The following CTSK variants were observed in gnomAD, a reference collection of about 807,000 sequenced individuals.
The protein encoded by CTSK is cathepsin O.
CTSK carries 26 observed loss-of-function variants against 40.5 expected under a neutral mutation model. The observed-to-expected ratio is 0.64, with a 90% CI of 0.47 to 0.89. The LOEUF (loss-of-function observed/expected upper bound fraction) is 0.89, where lower values mean the gene tolerates loss of function less well. Ranked by LOEUF, CTSK falls within the 40% of genes least tolerant of loss-of-function variation. The pLI, the probability that CTSK is intolerant of heterozygous loss-of-function variation, is 0.00. For missense variants in CTSK, 292 were observed against 400.1 expected, an observed-to-expected ratio of 0.73 and a Z score of 2.30; for synonymous variants, 132 against 143.2, an observed-to-expected ratio of 0.92 and a Z score of 0.56.
In CTSK at chr1:150,799,623, C is replaced by G. The variant is rs1189336230; in HGVS notation, c.705G>C (p.Leu235=). The G allele has an allele frequency of 6.2e-7, 1 of 1,614,066 alleles. No homozygotes were observed. Residue 235 remains leucine, a synonymous_variant, in exon 6 of 8, where the codon CTG becomes CTC. Coordinates refer to ENST00000271651, the MANE Select transcript of CTSK (RefSeq NM_000396.4). The part of the protein sequence containing the change: ...REIPEGNEKA[L]KRAVARVGPV... ...GTCCCACTCGGGCCACTGCCCTCTTCAGGGCTTTCTCATTCCCCTCGGGGA... is the reference window on the plus strand; with the variant it reads ...GTCCCACTCGGGCCACTGCCCTCTTGAGGGCTTTCTCATTCCCCTCGGGGA...
In CTSK at chr1:150,799,701, AC is replaced by A; in HGVS notation, c.626del (p.Ser209IlefsTer27). ...CCTTGCCTGTTGGGTTGTACATACA[AC>A]TCTCTTCCTGGAAGAAACAAGATTG... is the stretch of plus-strand genomic sequence containing the variant. ...DAYPYVGQEE[S>X]CMYNPTGKAA... On this transcript the variant is annotated frameshift_variant, in exon 6 of 8. Coordinates refer to ENST00000271651, the MANE Select transcript of CTSK (RefSeq NM_000396.4). LOFTEE classifies it high-confidence loss of function. 6.2e-7 allele frequency: 1 copy of A among 1,613,976 alleles called. No individual in the cohort carries two copies. The highest frequency in any genetic ancestry group is 1.1e-5 in the South Asian group (1 of 91,084).
At chr1:150,799,922 T>G (rs1039396924) in intron 5 of CTSK, among the ~76,000 whole-genome samples, 1 of 152,028 alleles carries the variant, frequency 6.6e-6, no homozygotes, top group Non-Finnish European at 1.5e-5. Flanking sequence ...ACAGGCCAGG[T>G]GCGGTGGCTC....
At chr1:150,806,041 G>A (rs1477238934) in intron 3 of CTSK, 25 bp from the exon 4 acceptor site, 4 of 1,614,198 alleles carry the variant, frequency 2.5e-6, no homozygotes, top group Non-Finnish European at 3.4e-6. Context: ...AAAGAGGCCA[G>A]GCATCAGCAG....
At chr1:150,805,227 T>G in intron 4 of CTSK, among the ~76,000 whole-genome samples, 2 of 125,752 alleles carry the variant, frequency 1.6e-5, no homozygotes, top group Admixed American at 8.0e-5. Flanking sequence ...AAAAAAAAAT[T>G]TGGGGGGGGG....
At position 150,799,200 on chromosome 1, in the gene CTSK, C is replaced by T. The variant is rs1358973920; in HGVS notation, c.858G>A (p.Gln286=). 1.2e-6 allele frequency: 2 copies of T among 1,612,726 alleles called. No individual in the cohort carries two copies. The highest frequency in any genetic ancestry group is 1.1e-5 in the South Asian group (1 of 91,052). The part of the protein sequence containing the change: ...HAVLAVGYGI[Q]KGNKHWIIKN... ...TAATTATCCAGTGCTTGTTTCCCTT[C>T]TGGATTCCATATCCCACTGCCAAAA... The change falls in exon 7 of 8, where the codon CAG becomes CAA. Residue 286 remains glutamine, a synonymous_variant. Transcript: ENST00000271651.
At chr1:150,798,914 T>C (rs1353466529) in intron 7 of CTSK, among the ~76,000 whole-genome samples, 1 of 152,180 alleles carries the variant, frequency 6.6e-6, no homozygotes, top group South Asian at 2.1e-4. Context: ...ACGCTTTGTA[T>C]AGCCAAACAA....
intron 5 of CTSK, chr1:150,800,649 T>G (rs1653972912): frequency 9.3e-6 from 2 of 215,660 alleles, no homozygotes; most frequent in Admixed American, 4.2e-5. Flanking sequence ...AGACTACCCC[T>G]TCAGAACCCT....
chr1:150,806,859 G>T (rs1372316768), intron 1 of CTSK, 53 bp from the exon 2 acceptor site: 1 of 1,605,250 alleles, frequency 6.2e-7, no homozygotes, highest in Non-Finnish European at 8.5e-7. Flanking sequence ...GGAAACAGAG[G>T]AAAACTAGGC....
chr1:150,806,613 G>A, intron 2 of CTSK, 73 bp downstream of exon 2: 1 of 1,593,710 alleles, frequency 6.3e-7, no homozygotes, highest in Non-Finnish European at 8.6e-7. Flanking sequence ...ATTGAAGAAG[G>A]GAGTCTGGAA....
rs750699844 is a variant in CTSK at position 150,799,589 on chromosome 1, CAG to C, written c.737_738del (p.Ser246CysfsTer4). 1.2e-6 allele frequency: 2 copies of C among 1,614,236 alleles called. No homozygotes were observed. Among genetic ancestry groups the C allele is most frequent in the Non-Finnish European group, 1.7e-6 (2 of 1,180,038 alleles). On this transcript the variant is annotated frameshift_variant, in exon 6 of 8. Transcript: ENST00000271651. LOFTEE classifies it high-confidence loss of function. ...GAGGTCAGGCTTGCATCAATGGCCACAGAGACAGGTCCCACTCGGGCCACTGC... is the reference window on the plus strand; with the variant it reads ...GAGGTCAGGCTTGCATCAATGGCCACAGACAGGTCCCACTCGGGCCACTGC... Reference protein sequence around the residue: ...KRAVARVGPVSVAIDASLTSF... With the variant: ...KRAVARVGPVXVAIDASLTSF...
Position 150,796,458 on chromosome 1 carries a change from T to C in CTSK, c.*341A>G, listed in dbSNP as rs1236454744. ...GGGTGCTTAAAGCTAACTAGTCCCG[T>C]GAATGAGAATCTAACCTATGTGAAA... On this transcript the variant is annotated 3_prime_UTR_variant, in exon 8 of 8. Transcript: ENST00000271651. 4.8e-6 allele frequency: 2 copies of C among 419,802 alleles called. No homozygotes were observed. Among genetic ancestry groups the C allele is most frequent in the African/African-American group, 2.0e-5 (1 of 49,642 alleles). The allele number at this position is 419,802 out of a possible 1,614,324, so 26.0% of individuals were successfully genotyped here.
intron 7 of CTSK, among the ~76,000 whole-genome samples, chr1:150,797,781 C>T (rs1377889877): frequency 6.6e-6 from 1 of 152,170 alleles, no homozygotes; most frequent in Admixed American, 6.5e-5. Context: ...TTTCTTCCTC[C>T]CAGCTCTCTT....
chr1:150,803,714 G>A (rs1349548165), intron 5 of CTSK, among the ~76,000 whole-genome samples: 1 of 152,196 alleles, frequency 6.6e-6, no homozygotes, highest in Non-Finnish European at 1.5e-5. Context: ...GTGGGTTTGT[G>A]GGTTTGTTGT....
chr1:150,806,625 C>A (rs1454792573), intron 2 of CTSK, 61 bp downstream of exon 2: 12 of 1,610,120 alleles, frequency 7.5e-6, no homozygotes. Context: ...AGTCTGGAAG[C>A]TAAGATGAGA....
At chr1:150,803,514 T>TTCC (rs1654031538) in intron 5 of CTSK, among the ~76,000 whole-genome samples, 2 of 152,186 alleles carry the variant, frequency 1.3e-5, no homozygotes, top group Non-Finnish European at 2.9e-5. Context: ...TCAGATATGA[T>TTCC]TTCCTTCCTA....
chr1:150,806,117 GT>G lies in CTSK; in HGVS notation c.227del (p.Asn76ThrfsTer6). 6.2e-7 allele frequency: 1 copy of G among 1,614,162 alleles called. No individual in the cohort carries two copies. Among genetic ancestry groups the G allele is most frequent in the Non-Finnish European group, 8.5e-7 (1 of 1,180,032 alleles). On this transcript the variant is annotated frameshift_variant, in exon 3 of 8. Coordinates refer to ENST00000271651, the MANE Select transcript of CTSK (RefSeq NM_000396.4). LOFTEE classifies it high-confidence loss of function. ...LGVHTYELAMNHLGDMTSEEV... is the reference protein window; with the variant it reads ...LGVHTYELAMXHLGDMTSEEV... ...CTATACTTGCCATGTCCCCCAGGTG[GT>G]TCATAGCCAGTTCATATGTATGGAC...
intron 1 of CTSK, 29 bp from the exon 2 acceptor site, chr1:150,806,835 C>T: frequency 6.2e-7 from 1 of 1,612,032 alleles, no homozygotes; most frequent in Non-Finnish European, 8.5e-7. Context: ...AGGGAAAACT[C>T]TTCCATTTGG....
At chr1:150,799,080 G>A in intron 7 of CTSK, 88 bp downstream of exon 7, 1 of 907,442 alleles carries the variant, frequency 1.1e-6, no homozygotes, top group Non-Finnish European at 1.9e-6. Context: ...TCTTGATTTG[G>A]GACAGAGAAA....
intron 1 of CTSK, 138 bp downstream of exon 1, chr1:150,808,076 A>G (rs1654157714): frequency 6.6e-6 from 1 of 152,260 alleles, no homozygotes; most frequent in African/African-American, 2.4e-5. Flanking sequence ...TTAGCCAGGG[A>G]ATGACCTAAG....
Sources: gnomAD v4.1 joint callset for allele counts (sites outside exome capture counted in the v4.1 genomes callset) on GRCh38, gnomAD v4.1.1 for gene constraint, MANE v1.5 for transcripts, NCBI Gene and HGNC (gene_info 2026-07-23, HGNC 2026-07-21) for gene names.